Variants in ZNF532 observed in about 807,000 individuals in gnomAD.
ZNF532 encodes the protein zinc finger protein 532.
Under a neutral mutation model 89.3 loss-of-function variants are expected in ZNF532, and 22 were observed. That is an observed-to-expected ratio of 0.25 (90% CI 0.18 to 0.35). The LOEUF is 0.35. Among genes scored for constraint, ZNF532 ranks in the 10% least tolerant of loss-of-function variants. ZNF532 has a pLI of 1.00. For synonymous variants in ZNF532, 606 were observed against 649.6 expected (o/e 0.93, Z 1.02); for missense variants, 1,132 against 1,643.4 (o/e 0.69, Z 5.38).
intron 5 of ZNF532, among the ~76,000 whole-genome samples, chr18:58,942,167 C>A (rs553871625): frequency 6.6e-6 from 1 of 151,648 alleles, no homozygotes; most frequent in Non-Finnish European, 1.5e-5. Context: ...GGACTACAGG[C>A]GCCCACCACC....
chr18:58,869,713 T>C (rs1048630158), intron 2 of ZNF532, among the ~76,000 whole-genome samples: 1 of 151,688 alleles, frequency 6.6e-6, no homozygotes, highest in African/African-American at 2.4e-5. Context: ...GTGAAAGCAG[T>C]GAAGAGGGGA....
chr18:58,963,821 C>CAAAAA (rs58734985), intron 7 of ZNF532, among the ~76,000 whole-genome samples: 1 of 82,746 alleles, frequency 1.2e-5, no homozygotes, highest in African/African-American at 4.0e-5. Context: ...GACCCTGTCT[C>CAAAAA]AAAAAAAAAA....
chr18:58,876,170 G>C (rs1435004455), intron 2 of ZNF532, among the ~76,000 whole-genome samples: 1 of 151,984 alleles, frequency 6.6e-6, no homozygotes, highest in Non-Finnish European at 1.5e-5. Flanking sequence ...TCCTGACCTC[G>C]TGATCCGCCT....
chr18:58,965,818 G>T (rs1242261913), intron 7 of ZNF532, among the ~76,000 whole-genome samples: 1 of 152,208 alleles, frequency 6.6e-6, no homozygotes, highest in Non-Finnish European at 1.5e-5. Flanking sequence ...AGTTGCCTGG[G>T]ATGTATCTGG....
intron 9 of ZNF532, among the ~76,000 whole-genome samples, chr18:58,982,014 A>G (rs2147741162): frequency 6.6e-6 from 1 of 151,528 alleles, no homozygotes; most frequent in Admixed American, 6.6e-5. Context: ...AAAAAAAAAA[A>G]AAAAAAATCA....
chr18:58,919,509 T>TCGTCTCCAG lies in ZNF532; in HGVS notation c.1224_1232dup (p.Pro410_Ser412dup). 1 of 1,614,136 alleles carries TCGTCTCCAG rather than the reference T, an allele frequency of 6.2e-7. No homozygotes were observed. Among genetic ancestry groups the TCGTCTCCAG allele is most frequent in the South Asian group, 1.1e-5 (1 of 91,078 alleles). On this transcript the variant is annotated inframe_insertion, in exon 3 of 10. Transcript: ENST00000591808. This position sits in a 1 kb window ranked among gnomAD's most constrained non-coding sequence, Gnocchi z 6.1. ...GATGGCCTCTGTGACATCCCTTCTG[T>TCGTCTCCAG]CGTCTCCAGCATCAGCCGCCGTCCT...
intron 4 of ZNF532, 44 bp downstream of exon 4, chr18:58,934,658 TAC>T (rs2062223386): frequency 6.4e-7 from 1 of 1,573,782 alleles, no homozygotes. Context: ...CTCGTTCACT[TAC>T]AACCGCACAG....
intron 2 of ZNF532, chr18:58,916,606 G>T: frequency 6.7e-6 from 4 of 592,762 alleles, no homozygotes; most frequent in Non-Finnish European, 8.5e-6. Context: ...TATTAACCGA[G>T]ACAGGTGTGA....
At chr18:58,878,526 G>T (rs1173723282) in intron 2 of ZNF532, among the ~76,000 whole-genome samples, 1 of 152,208 alleles carries the variant, frequency 6.6e-6, no homozygotes, top group African/African-American at 2.4e-5. Context: ...GACCATATGA[G>T]CTACCAGTTC....
chr18:58,873,692 C>T (rs180917999), intron 2 of ZNF532, among the ~76,000 whole-genome samples: 346 of 152,132 alleles, frequency 2.3e-3, no homozygotes, highest in Middle Eastern at 6.8e-3. Flanking sequence ...CCACCCACCT[C>T]GGCCTCCTAA....
intron 7 of ZNF532, among the ~76,000 whole-genome samples, chr18:58,965,512 A>T (rs980708632): frequency 6.6e-6 from 1 of 152,232 alleles, no homozygotes. Flanking sequence ...TTCAATATAG[A>T]TGTGGGACAG....
intron 2 of ZNF532, among the ~76,000 whole-genome samples, chr18:58,883,907 T>A (rs893558031): frequency 6.6e-6 from 1 of 152,162 alleles, no homozygotes; most frequent in Admixed American, 6.5e-5. Flanking sequence ...CTTCAGGGGA[T>A]GAAAATTGCA....
chr18:58,935,177 C>CTCCTCCTCCTCCCCTT lies in ZNF532; in HGVS notation c.2528+578_2528+579insTTCCTCCTCCTCCCCT, dbSNP rs1555734780. Among the ~76,000 whole-genome samples, 176 of 19,496 alleles carry CTCCTCCTCCTCCCCTT rather than the reference C, an allele frequency of 9.0e-3. 42 individuals are homozygous for CTCCTCCTCCTCCCCTT. The East Asian group carries it at 0.26, about 28-fold the overall frequency. The allele number at this position is 19,496 out of a possible 152,430, so 12.8% of individuals were successfully genotyped here. ...TCCTCCCCACTCCTCCTCCTCCCCA[C>CTCCTCCTCCTCCCCTT]TCCTCCTCCTCCCCTCTCCTCCTCC... On this transcript the variant is annotated intron_variant, in intron 4 of 9. Transcript: ENST00000591808.
chr18:58,977,077 C>G (rs1008708560), intron 7 of ZNF532, among the ~76,000 whole-genome samples: 1 of 152,044 alleles, frequency 6.6e-6, no homozygotes, highest in East Asian at 1.9e-4. Context: ...TTCTCTCTTT[C>G]GTTGTTTCCC....
At chr18:58,970,371 G>A (rs188206640) in intron 7 of ZNF532, among the ~76,000 whole-genome samples, 160 of 152,290 alleles carry the variant, frequency 1.1e-3, no homozygotes, top group Middle Eastern at 6.8e-3. Context: ...TCTGAGAACA[G>A]GAATAATAAG....
intron 2 of ZNF532, among the ~76,000 whole-genome samples, chr18:58,889,233 A>G (rs1335670287): frequency 3.9e-5 from 6 of 152,040 alleles, no homozygotes; most frequent in Non-Finnish European, 7.4e-5. Context: ...TAGTTAACAC[A>G]TAGAGTTAAA....
intron 2 of ZNF532, among the ~76,000 whole-genome samples, chr18:58,877,790 T>C (rs999948778): frequency 4.6e-5 from 7 of 152,076 alleles, no homozygotes; most frequent in African/African-American, 7.2e-5. Context: ...TTTGGAAGAA[T>C]AGGGACAAGG....
chr18:58,941,821 TTTTTC>T (rs2063065390), intron 5 of ZNF532, among the ~76,000 whole-genome samples: 1 of 151,816 alleles, frequency 6.6e-6, no homozygotes, highest in African/African-American at 2.4e-5. Context: ...TTTCTTTTCT[TTTTTC>T]TTTTCTCTCT....
Position 58,985,932 on chromosome 18 carries a change from C to T in ZNF532, c.*1466C>T, listed in dbSNP as rs1306712963. The T allele has an allele frequency of 7.9e-5, 12 of 152,510 alleles. No individual in the cohort carries two copies. The highest frequency in any genetic ancestry group is 6.2e-4 in the South Asian group (3 of 4,824). 9.4% of individuals were successfully genotyped at this position (152,510 alleles called of 1,614,324 possible). The stretch of plus-strand genomic sequence containing the variant: ...GAAACACATTTCATATGTAAATAAA[C>T]GTGGGACATTTGGCCCTTGTGCTTC... On this transcript the variant is annotated 3_prime_UTR_variant, in exon 10 of 10. Coordinates refer to ENST00000591808, the MANE Select transcript of ZNF532 (RefSeq NM_001375912.1).
Sources: gnomAD v4.1 joint callset for allele counts (sites outside exome capture counted in the v4.1 genomes callset) on GRCh38, gnomAD v4.1.1 for gene constraint, Gnocchi (gnomAD v3.1) non-coding constraint, MANE v1.5 for transcripts, NCBI Gene and HGNC (gene_info 2026-07-23, HGNC 2026-07-21) for gene names.